The following STX8 variants were observed in gnomAD, a reference collection of about 807,000 sequenced individuals.
The protein encoded by STX8 is syntaxin 8, also known as syntaxin-8.
STX8 carries 23 observed loss-of-function variants against 37.5 expected under a neutral mutation model. That is an observed-to-expected ratio of 0.61 (90% CI 0.44 to 0.87). The LOEUF (loss-of-function observed/expected upper bound fraction) is 0.87, where lower values mean the gene tolerates loss of function less well. STX8 is among the 40% of genes least tolerant of loss of function. The pLI, the probability that STX8 is intolerant of heterozygous loss-of-function variation, is 0.00. For synonymous variants in STX8, 115 were observed against 99.1 expected (o/e 1.16, Z -0.95); for missense variants, 313 against 284.7 (o/e 1.10, Z -0.71).
chr17:9,380,518 T>C (rs986050421), intron 6 of STX8, among the ~76,000 whole-genome samples: 2 of 151,372 alleles, frequency 1.3e-5, no homozygotes, highest in Admixed American at 1.3e-4. Context: ...CCTCTCAAAG[T>C]GTTAGGATTA....
chr17:9,332,988 C>T (rs7213634), intron 7 of STX8, among the ~76,000 whole-genome samples: 9,514 of 152,324 alleles, frequency 0.062, 958 homozygotes, highest in African/African-American at 0.21. Flanking sequence ...AGACACAATA[C>T]TTCTTAAAGC....
intron 4 of STX8, among the ~76,000 whole-genome samples, chr17:9,535,843 A>G (rs1215057850): frequency 2.0e-5 from 3 of 152,216 alleles, no homozygotes; most frequent in South Asian, 2.1e-4. Context: ...TCGCATATAT[A>G]TAAGAGCCTA....
chr17:9,294,401 A>G (rs950798734), intron 7 of STX8, among the ~76,000 whole-genome samples: 1 of 152,264 alleles, frequency 6.6e-6, no homozygotes, highest in Non-Finnish European at 1.5e-5. Flanking sequence ...AGAATCACTG[A>G]AAGAGAAGAT....
In STX8 at chr17:9,507,874, A is replaced by C. The variant is rs1298665649; in HGVS notation, c.324-2712T>G. The stretch of plus-strand genomic sequence containing the variant: ...ACACTACTATGCCCACCTGGAACCA[A>C]AGCCAATGCATCCCACTGAACCAAC... On this transcript the variant is annotated intron_variant, in intron 4 of 7. Transcript: ENST00000306357. This position sits in a 1 kb window ranked among gnomAD's most constrained non-coding sequence, Gnocchi z 4.0. Among the ~76,000 whole-genome samples the C allele has an allele frequency of 6.6e-6, 1 of 152,162 alleles. No homozygotes were observed. Among genetic ancestry groups the C allele is most frequent in the Admixed American group, 6.5e-5 (1 of 15,274 alleles).
At chr17:9,431,576 T>C (rs533405750) in intron 6 of STX8, among the ~76,000 whole-genome samples, 4 of 152,316 alleles carry the variant, frequency 2.6e-5, no homozygotes, top group South Asian at 2.1e-4. Flanking sequence ...ATTACAGGCG[T>C]GAGCCACCGC....
intron 6 of STX8, among the ~76,000 whole-genome samples, chr17:9,381,384 G>C (rs1911813121): frequency 1.3e-5 from 2 of 151,930 alleles, no homozygotes; most frequent in South Asian, 2.1e-4. Flanking sequence ...AAAGTTTCCA[G>C]AATGATGTGT....
rs558420688 is a variant in STX8 at position 9,555,144 on chromosome 17, G to C, written c.212+2290C>G. The stretch of plus-strand genomic sequence containing the variant: ...CACATTAAGACCCCTAAATATTTTT[G>C]TAATGTTTTAAATAACTCTTGTTCA... On this transcript the variant is annotated intron_variant, in intron 3 of 7. Transcript: ENST00000306357. The C allele has an allele frequency of 3.9e-5, 6 of 152,182 alleles. No homozygotes were observed. In the East Asian group the frequency reaches 1.2e-3, roughly 29 times the overall value. The allele number at this position is 152,182 out of a possible 1,614,324, so 9.4% of individuals were successfully genotyped here.
intron 6 of STX8, among the ~76,000 whole-genome samples, chr17:9,480,139 T>C (rs73265555): frequency 0.022 from 3,393 of 152,314 alleles, 115 homozygotes; most frequent in African/African-American, 0.075. Context: ...ACTGTGTATC[T>C]GTGCAGTATC....
chr17:9,499,704 T>C (rs1032771882), intron 5 of STX8, among the ~76,000 whole-genome samples: 2 of 152,232 alleles, frequency 1.3e-5, no homozygotes, highest in South Asian at 2.1e-4. Flanking sequence ...AGCCGGAACA[T>C]AGCATTTCAA....
chr17:9,385,860 G>A (rs1357120412), intron 6 of STX8, among the ~76,000 whole-genome samples: 3 of 152,094 alleles, frequency 2.0e-5, no homozygotes, highest in African/African-American at 4.8e-5. Flanking sequence ...TGCAACCTCC[G>A]CTTCCGAGTT....
At chr17:9,261,931 CTT>C (rs1907054505) in intron 7 of STX8, among the ~76,000 whole-genome samples, 1 of 152,222 alleles carries the variant, frequency 6.6e-6, no homozygotes, top group Admixed American at 6.5e-5. Flanking sequence ...ACAATTCCCT[CTT>C]GACTGTCGGA....
chr17:9,466,096 G>A (rs969369097), intron 6 of STX8, among the ~76,000 whole-genome samples: 2 of 151,810 alleles, frequency 1.3e-5, no homozygotes, highest in Non-Finnish European at 2.9e-5. Context: ...TCAGCCTCCC[G>A]AGTAGCAGGG....
chr17:9,546,547 C>G (rs1264631024), intron 3 of STX8, among the ~76,000 whole-genome samples: 1 of 132,296 alleles, frequency 7.6e-6, no homozygotes, highest in East Asian at 2.3e-4. Context: ...GGACTAAGTA[C>G]AAAGTTTTAT....
At chr17:9,316,385 T>A (rs901734390) in intron 7 of STX8, among the ~76,000 whole-genome samples, 7 of 152,028 alleles carry the variant, frequency 4.6e-5, no homozygotes, top group Non-Finnish European at 1.0e-4. Context: ...TTAGGAGGTT[T>A]GAACTTTCAG....
intron 7 of STX8, among the ~76,000 whole-genome samples, chr17:9,300,102 C>T (rs950923946): frequency 1.3e-5 from 2 of 152,160 alleles, no homozygotes; most frequent in Non-Finnish European, 2.9e-5. Context: ...GAGACCGAGG[C>T]GGGCGGATCA....
intron 5 of STX8, among the ~76,000 whole-genome samples, chr17:9,494,854 CCT>C (rs1191884813): frequency 6.6e-6 from 1 of 151,866 alleles, no homozygotes; most frequent in Non-Finnish European, 1.5e-5. Flanking sequence ...AAATTTTCTT[CCT>C]CTAATTTCAG....
intron 6 of STX8, among the ~76,000 whole-genome samples, chr17:9,406,788 C>T (rs1436005018): frequency 6.6e-6 from 1 of 152,068 alleles, no homozygotes; most frequent in South Asian, 2.1e-4. Flanking sequence ...CACAAATCTC[C>T]AAAAAATTTT....
chr17:9,458,409 A>G (rs1905248869), intron 6 of STX8, among the ~76,000 whole-genome samples: 1 of 151,634 alleles, frequency 6.6e-6, no homozygotes, highest in Non-Finnish European at 1.5e-5. Flanking sequence ...TTGGCCTCCC[A>G]AAGTGCTGGG....
In STX8 at chr17:9,556,736, T is replaced by C. The variant is rs183002298; in HGVS notation, c.212+698A>G. ...CGTGAACCATTGCACCTGGCCCAGA[T>C]TATGAATTTCTAAAATATATATATA... On this transcript the variant is annotated intron_variant, in intron 3 of 7. Transcript: ENST00000306357. 1.4e-4 allele frequency among the ~76,000 whole-genome samples: 20 copies of C among 142,726 alleles called. No homozygotes were observed. The East Asian group carries it at 3.2e-3, about 23-fold the overall frequency. The allele number at this position is 142,726 out of a possible 152,430, so 93.6% of individuals were successfully genotyped here.
Sources: allele counts gnomAD v4.1 joint callset (sites outside exome capture counted in the v4.1 genomes callset), GRCh38; gene constraint gnomAD v4.1.1; non-coding constraint Gnocchi (gnomAD v3.1); transcripts MANE v1.5; gene names NCBI Gene and HGNC (gene_info 2026-07-23, HGNC 2026-07-21).